COL22A1: variants seen among roughly 807,000 people sequenced by gnomAD.
COL22A1 encodes the protein collagen alpha-1(XXII) chain.
COL22A1 carries 221 observed loss-of-function variants against 248.9 expected under a neutral mutation model. The observed-to-expected ratio is 0.89, with a 90% confidence interval of 0.80 to 0.99. The LOEUF is 0.99. Ranked by LOEUF, COL22A1 falls within the 50% of genes least tolerant of loss-of-function variation. The pLI, the probability that COL22A1 is intolerant of heterozygous loss-of-function variation, is 0.00. For synonymous variants in COL22A1, 891 were observed against 793.4 expected, an observed-to-expected ratio of 1.12 and a Z score of -2.07; for missense variants, 2,240 against 2,179.0, an observed-to-expected ratio of 1.03 and a Z score of -0.56.
chr8:138,750,538 C>G (rs148398826), intron 22 of COL22A1, among the ~76,000 whole-genome samples: 2 of 152,094 alleles, frequency 1.3e-5, no homozygotes, highest in East Asian at 3.9e-4. Context: ...GCACTATCCA[C>G]GTCACTGAGC....
intron 23 of COL22A1, among the ~76,000 whole-genome samples, chr8:138,735,992 AG>A (rs1241684451): frequency 2.6e-5 from 4 of 152,110 alleles, no homozygotes. Flanking sequence ...CAGCTCCAGG[AG>A]GACCAAACGG....
At chr8:138,679,510 C>A (rs1299285907) in intron 40 of COL22A1, 107 bp downstream of exon 40, 2 of 924,598 alleles carry the variant, frequency 2.2e-6, no homozygotes, top group East Asian at 2.4e-5. Flanking sequence ...CTTCCAAAGC[C>A]TACTTATCAA....
At chr8:138,893,764 T>C (rs1054053163) in intron 1 of COL22A1, among the ~76,000 whole-genome samples, 1 of 152,208 alleles carries the variant, frequency 6.6e-6, no homozygotes, top group African/African-American at 2.4e-5. Flanking sequence ...CCTAAATGCA[T>C]GGTAGGCATT....
intron 60 of COL22A1, among the ~76,000 whole-genome samples, chr8:138,600,960 A>G (rs1817954122): frequency 6.6e-6 from 1 of 152,198 alleles, no homozygotes; most frequent in South Asian, 2.1e-4. Flanking sequence ...CCATATTTCA[A>G]ATGTTCCCAG....
rs1316115519 is a variant in COL22A1 at position 138,826,679 on chromosome 8, G to A, written c.948C>T (p.Ile316=). The A allele has an allele frequency of 4.3e-6, 7 of 1,613,686 alleles. No homozygotes were observed. The highest frequency in any genetic ancestry group is 1.7e-5 in the Admixed American group (1 of 59,988). The stretch of plus-strand genomic sequence containing the variant: ...TTACCTGTGGGATGCTGTACTGGTC[G>A]ATGACCTGCCAGATATACCAGTCTT... ...RKEDWYIWQV[I]DQYSIPQVSI... The change falls in exon 6 of 65, where the codon ATC becomes ATT. Residue 316 remains isoleucine, a synonymous_variant. Coordinates refer to ENST00000303045, the MANE Select transcript of COL22A1 (RefSeq NM_152888.3).
intron 31 of COL22A1, among the ~76,000 whole-genome samples, chr8:138,702,556 C>T (rs1035007779): frequency 4.0e-5 from 6 of 151,778 alleles, no homozygotes; most frequent in Middle Eastern, 3.4e-3. Flanking sequence ...TGCAAACTTC[C>T]CTGAAATCAG....
At chr8:138,724,582 G>A (rs1428547011) in intron 25 of COL22A1, 33 bp downstream of exon 25, 1 of 1,607,026 alleles carries the variant, frequency 6.2e-7, no homozygotes, top group Admixed American at 1.7e-5. Context: ...GGAGAGGGAG[G>A]AGGGGAGCAG....
intron 3 of COL22A1, among the ~76,000 whole-genome samples, chr8:138,859,342 A>C (rs764255845): frequency 5.9e-5 from 9 of 152,160 alleles, no homozygotes; most frequent in Non-Finnish European, 1.0e-4. Context: ...CCCCCTGAAC[A>C]CCATGTCGGG....
At chr8:138,606,872 G>C (rs1818467758) in intron 57 of COL22A1, among the ~76,000 whole-genome samples, 2 of 152,108 alleles carry the variant, frequency 1.3e-5, no homozygotes, top group African/African-American at 4.8e-5. Context: ...CTTTTCTGGG[G>C]AGCCATCATG....
intron 1 of COL22A1, among the ~76,000 whole-genome samples, chr8:138,889,553 A>G (rs1016594597): frequency 2.0e-5 from 3 of 151,746 alleles, no homozygotes; most frequent in East Asian, 1.9e-4. Flanking sequence ...TCACACTCTG[A>G]GGACTGTTGT....
chr8:138,902,957 G>A (rs1375797332), intron 1 of COL22A1, among the ~76,000 whole-genome samples: 1 of 152,180 alleles, frequency 6.6e-6, no homozygotes, highest in African/African-American at 2.4e-5. Flanking sequence ...TTGTTCAAGG[G>A]TGGTTACTTT....
intron 45 of COL22A1, among the ~76,000 whole-genome samples, chr8:138,650,342 C>G (rs1175580531): frequency 2.0e-5 from 3 of 152,182 alleles, no homozygotes; most frequent in Non-Finnish European, 1.5e-5. Flanking sequence ...ATTTTTTACC[C>G]AAGGCAAGCA....
intron 16 of COL22A1, among the ~76,000 whole-genome samples, chr8:138,763,745 C>T (rs1586681649): frequency 6.6e-6 from 1 of 152,198 alleles, no homozygotes; most frequent in Non-Finnish European, 1.5e-5. Flanking sequence ...CTATTCCCTC[C>T]GCTGCCTCCC....
intron 3 of COL22A1, among the ~76,000 whole-genome samples, chr8:138,846,969 T>A (rs1025814849): frequency 1.3e-5 from 2 of 152,328 alleles, no homozygotes; most frequent in Middle Eastern, 3.4e-3. Flanking sequence ...TTTGTCTCCA[T>A]GCTTCCCAGG....
rs1303729740 is a variant in COL22A1 at position 138,692,409 on chromosome 8, AT to A, written c.2754+1236del. On this transcript the variant is annotated intron_variant, in intron 35 of 64. Transcript: ENST00000303045. ...TGTGCACGTATGTACATGTGTGTGT[AT>A]GTGTGTGTGCACGTACGTGTGTGCA... Among the ~76,000 whole-genome samples, 7 of 116,678 alleles carry A rather than the reference AT, an allele frequency of 6.0e-5. 1 individual carries two copies. Among genetic ancestry groups the A allele is most frequent in the Non-Finnish European group, 5.3e-5 (3 of 56,136 alleles). 76.5% of individuals were successfully genotyped at this position (116,678 alleles called of 152,430 possible). A position where few individuals can be genotyped will look rare whatever the true frequency, so the allele number is the denominator to read the frequency against.
intron 16 of COL22A1, among the ~76,000 whole-genome samples, chr8:138,772,579 G>A (rs1417798577): frequency 6.6e-6 from 1 of 152,216 alleles, no homozygotes; most frequent in Non-Finnish European, 1.5e-5. Flanking sequence ...ATAGAATACA[G>A]GAACGGATGC....
chr8:138,904,306 C>T (rs772891844), intron 1 of COL22A1, among the ~76,000 whole-genome samples: 30 of 152,074 alleles, frequency 2.0e-4, no homozygotes, highest in African/African-American at 4.1e-4. Flanking sequence ...CCCTCTCCAA[C>T]GGCCAACTTC....
At chr8:138,865,379 T>G (rs1258009869) in intron 3 of COL22A1, among the ~76,000 whole-genome samples, 1 of 152,070 alleles carries the variant, frequency 6.6e-6, no homozygotes, top group Non-Finnish European at 1.5e-5. Flanking sequence ...TTTGTATGCC[T>G]GTGTGTGAGT....
intron 3 of COL22A1, among the ~76,000 whole-genome samples, chr8:138,852,715 G>C (rs546324487): frequency 2.0e-5 from 3 of 152,158 alleles, no homozygotes; most frequent in Non-Finnish European, 1.5e-5. Flanking sequence ...AGGAGTGGCC[G>C]GCAAAGGAGA....
Sources: allele counts gnomAD v4.1 joint callset (sites outside exome capture counted in the v4.1 genomes callset), GRCh38; gene constraint gnomAD v4.1.1; transcripts MANE v1.5; gene names NCBI Gene and HGNC (gene_info 2026-07-23, HGNC 2026-07-21).